The following SPIDR variants were observed in gnomAD, a reference collection of about 807,000 sequenced individuals.
SPIDR encodes the protein scaffold protein involved in DNA repair.
SPIDR carries 93 observed loss-of-function variants against 104.6 expected under a neutral mutation model. The ratio of observed to expected loss-of-function variants is 0.89; its 90% CI spans 0.75 to 1.06. The LOEUF (loss-of-function observed/expected upper bound fraction) is 1.06, where lower values mean the gene tolerates loss of function less well. SPIDR is among the 50% of genes least tolerant of loss of function. The probability of loss-of-function intolerance (pLI) is 0.00; values close to 1 mark genes in which losing one functional copy is unlikely to be tolerated. For synonymous variants in SPIDR, 431 were observed against 416.9 expected, an observed-to-expected ratio of 1.03 and a Z score of -0.41; for missense variants, 1,154 against 1,111.2, an observed-to-expected ratio of 1.04 and a Z score of -0.55.
intron 10 of SPIDR, among the ~76,000 whole-genome samples, chr8:47,638,413 G>A (rs539244985): frequency 5.3e-5 from 8 of 152,054 alleles, no homozygotes; most frequent in Non-Finnish European, 1.0e-4. Context: ...CAAAGTGCTG[G>A]GATTACAGGC....
intron 8 of SPIDR, among the ~76,000 whole-genome samples, chr8:47,562,916 G>A (rs1439598301): frequency 6.6e-6 from 1 of 152,050 alleles, no homozygotes; most frequent in Non-Finnish European, 1.5e-5. Flanking sequence ...GAAAGTTGCT[G>A]AATGAAGGCT....
chr8:47,393,346 A>G (rs1368871365), intron 5 of SPIDR, among the ~76,000 whole-genome samples: 7 of 152,164 alleles, frequency 4.6e-5, no homozygotes, highest in Admixed American at 2.6e-4. Context: ...TGCTTAGACT[A>G]TGGAAAAGCC....
rs1221704142 is a variant in SPIDR at position 47,700,453 on chromosome 8, C to T, written c.1736C>T (p.Pro579Leu). 1 of 1,614,190 alleles carries T rather than the reference C, an allele frequency of 6.2e-7. No individual in the cohort carries two copies. The highest frequency in any genetic ancestry group is 8.5e-7 in the Non-Finnish European group (1 of 1,180,050). The change falls in exon 12 of 20, where the codon CCT (proline) becomes CTT (leucine). Residue 579 changes from proline to leucine, a missense_variant. Transcript: ENST00000297423. ...GACACCCTGTGGCCCCCAGCGATAC[C>T]TCTGAAAACACCTGGCCGCGACCAG... ...LIDTLWPPAIPLKTPGRDQPC... is the reference protein window; with the variant it reads ...LIDTLWPPAILLKTPGRDQPC...
chr8:47,302,429 CCTT>C (rs1326041775), intron 5 of SPIDR, among the ~76,000 whole-genome samples: 1 of 152,060 alleles, frequency 6.6e-6, no homozygotes, highest in Non-Finnish European at 1.5e-5. Context: ...TCGTCTGAAG[CCTT>C]CTTCTCTCAA....
chr8:47,466,900 A>AAAAAT (rs34970317), intron 8 of SPIDR, among the ~76,000 whole-genome samples: 20 of 114,340 alleles, frequency 1.7e-4, no homozygotes, highest in African/African-American at 3.6e-4. Flanking sequence ...AAAAAAAAAA[A>AAAAAT]ATATATATAT....
chr8:47,438,122 A>T (rs2068705187), intron 7 of SPIDR, among the ~76,000 whole-genome samples: 1 of 152,222 alleles, frequency 6.6e-6, no homozygotes, highest in Non-Finnish European at 1.5e-5. Flanking sequence ...GCAGCTGAGC[A>T]TGGCTGGGGG....
chr8:47,284,713 A>G (rs1375190316), intron 3 of SPIDR, among the ~76,000 whole-genome samples: 3 of 152,026 alleles, frequency 2.0e-5, no homozygotes, highest in South Asian at 2.1e-4. Context: ...GGTGCTGAGG[A>G]TTTTCGCCAA....
chr8:47,289,891 C>G (rs1351798591), intron 3 of SPIDR, among the ~76,000 whole-genome samples: 2 of 152,072 alleles, frequency 1.3e-5, no homozygotes, highest in Non-Finnish European at 2.9e-5. Context: ...ATTAAACAAA[C>G]TATGGTGCAT....
intron 10 of SPIDR, among the ~76,000 whole-genome samples, chr8:47,603,893 T>A (rs979901339): frequency 6.6e-6 from 1 of 152,236 alleles, no homozygotes; most frequent in Non-Finnish European, 1.5e-5. Flanking sequence ...CATACCTTGA[T>A]GTTTTACTCC....
chr8:47,386,648 A>G (rs1422275293), intron 5 of SPIDR, among the ~76,000 whole-genome samples: 4 of 152,176 alleles, frequency 2.6e-5, no homozygotes, highest in African/African-American at 9.7e-5. Flanking sequence ...CTCTCCCAGT[A>G]CAGTTACTGA....
intron 5 of SPIDR, among the ~76,000 whole-genome samples, chr8:47,389,023 C>G (rs182657987): frequency 2.4e-4 from 36 of 152,262 alleles, no homozygotes; most frequent in African/African-American, 8.4e-4. Flanking sequence ...TCAGAAGACT[C>G]CTCCTCCCAA....
intron 6 of SPIDR, among the ~76,000 whole-genome samples, chr8:47,406,819 A>T (rs1554667632): frequency 6.6e-6 from 1 of 152,116 alleles, no homozygotes; most frequent in African/African-American, 2.4e-5. Context: ...AATGCTGGAG[A>T]AGTTTCTTAA....
intron 4 of SPIDR, 136 bp downstream of exon 4, chr8:47,291,273 G>A: frequency 5.5e-6 from 3 of 541,960 alleles, no homozygotes; most frequent in Non-Finnish European, 9.6e-6. Context: ...AATATTGGAA[G>A]AAACTTACAT....
intron 10 of SPIDR, among the ~76,000 whole-genome samples, chr8:47,614,481 C>T (rs1456979840): frequency 6.6e-6 from 1 of 152,148 alleles, no homozygotes; most frequent in Non-Finnish European, 1.5e-5. Context: ...CTCGGCCTCC[C>T]AAAGTGCTGG....
At chr8:47,423,700 G>C (rs548095236) in intron 7 of SPIDR, among the ~76,000 whole-genome samples, 2 of 152,346 alleles carry the variant, frequency 1.3e-5, no homozygotes, top group South Asian at 4.1e-4. Flanking sequence ...ATGGCATGGG[G>C]TGGGCAGGGG....
chr8:47,422,300 C>T (rs185591079), intron 7 of SPIDR, among the ~76,000 whole-genome samples: 64 of 152,286 alleles, frequency 4.2e-4, no homozygotes, highest in Non-Finnish European at 7.5e-4. Flanking sequence ...ACTCAAGCCT[C>T]AGCAATGGCG....
intron 10 of SPIDR, chr8:47,660,902 C>A: frequency 1.0e-6 from 1 of 973,022 alleles, no homozygotes; most frequent in Non-Finnish European, 1.2e-6. Context: ...TGTAACAATG[C>A]GCATTTGTCT....
intron 8 of SPIDR, among the ~76,000 whole-genome samples, chr8:47,594,051 G>A (rs555886648): frequency 2.4e-4 from 37 of 152,030 alleles, no homozygotes; most frequent in African/African-American, 7.2e-4. Context: ...GGGAGTACTC[G>A]TTGCAGGCCT....
intron 10 of SPIDR, among the ~76,000 whole-genome samples, chr8:47,657,549 CACAT>C (rs1200641910): frequency 4.6e-5 from 7 of 152,094 alleles, no homozygotes; most frequent in Non-Finnish European, 2.9e-5. Context: ...ATATGTGACA[CACAT>C]ACAAGTAAAA....
Sources: gnomAD v4.1 joint callset for allele counts (sites outside exome capture counted in the v4.1 genomes callset) on GRCh38, gnomAD v4.1.1 for gene constraint, MANE v1.5 for transcripts, NCBI Gene and HGNC (gene_info 2026-07-23, HGNC 2026-07-21) for gene names.